The following CLVS1 variants were observed in gnomAD, a reference collection of about 807,000 sequenced individuals.
CLVS1 encodes the protein clavesin 1.
Under a neutral mutation model 33.1 loss-of-function variants are expected in CLVS1, and 10 were observed. The observed-to-expected ratio is 0.30, with a 90% CI of 0.19 to 0.51. The LOEUF (loss-of-function observed/expected upper bound fraction) is 0.51. Among genes scored for constraint, CLVS1 ranks in the 20% least tolerant of loss-of-function variants. CLVS1 has a pLI of 0.97. For missense variants in CLVS1, 343 were observed against 433.4 expected, an observed-to-expected ratio of 0.79 and a Z score of 1.85; for synonymous variants, 163 against 166.1, an observed-to-expected ratio of 0.98 and a Z score of 0.14.
chr8:61,261,704 G>A (rs1466917972), intron 2 of CLVS1, among the ~76,000 whole-genome samples: 3 of 152,178 alleles, frequency 2.0e-5, no homozygotes, highest in East Asian at 1.9e-4. Flanking sequence ...CCAGTTAGAA[G>A]GAGCCATCTG....
chr8:61,367,371 G>A (rs180675814), intron 2 of CLVS1, among the ~76,000 whole-genome samples: 2 of 152,192 alleles, frequency 1.3e-5, no homozygotes, highest in Admixed American at 1.3e-4. Context: ...AATACATGGT[G>A]TCTACACGCT....
chr8:61,363,998 C>T (rs940138445), intron 2 of CLVS1, among the ~76,000 whole-genome samples: 1 of 152,202 alleles, frequency 6.6e-6, no homozygotes, highest in East Asian at 1.9e-4. Flanking sequence ...CTCATATTTA[C>T]AGTGCTCTAG....
intron 2 of CLVS1, among the ~76,000 whole-genome samples, chr8:61,247,934 T>C (rs992219466): frequency 2.6e-5 from 4 of 152,242 alleles, no homozygotes; most frequent in African/African-American, 9.6e-5. Context: ...ACTGAAGTCT[T>C]TAATCCATCT....
the CLVS1 span, among the ~76,000 whole-genome samples, chr8:60,990,794 C>T: frequency 6.6e-6 from 1 of 151,614 alleles, no homozygotes. Context: ...CTGCAAGCTC[C>T]GCCTCCTGGT....
At chr8:61,064,100 C>T (rs1004099615) in intron 1 of CLVS1, among the ~76,000 whole-genome samples, 5 of 152,212 alleles carry the variant, frequency 3.3e-5, no homozygotes, top group Admixed American at 2.6e-4. Context: ...TATGGATACA[C>T]CACATTTTGT....
chr8:61,466,048 G>A (rs903772329), intron 5 of CLVS1, among the ~76,000 whole-genome samples: 4 of 152,176 alleles, frequency 2.6e-5, no homozygotes, highest in African/African-American at 9.7e-5. Flanking sequence ...GAGTGTATGT[G>A]TGAAGCACCT....
chr8:61,059,147 T>A (rs1804532161), intron 1 of CLVS1, among the ~76,000 whole-genome samples: 1 of 152,142 alleles, frequency 6.6e-6, no homozygotes, highest in African/African-American at 2.4e-5. Flanking sequence ...TGTGCCATTT[T>A]TTTATTCATA....
At chr8:60,992,646 G>A in the CLVS1 span, among the ~76,000 whole-genome samples, 1 of 152,210 alleles carries the variant, frequency 6.6e-6, no homozygotes, top group East Asian at 1.9e-4. Flanking sequence ...TGGGAGGTCA[G>A]TGAAGCTCTG....
At chr8:61,478,669 AG>A (rs1818058122) in intron 5 of CLVS1, among the ~76,000 whole-genome samples, 1 of 152,056 alleles carries the variant, frequency 6.6e-6, no homozygotes, top group Non-Finnish European at 1.5e-5. Flanking sequence ...CCATTTGCTT[AG>A]TAGATCTTCC....
intron 2 of CLVS1, among the ~76,000 whole-genome samples, chr8:61,322,102 C>T (rs1811212692): frequency 6.6e-6 from 1 of 152,086 alleles, no homozygotes; most frequent in Non-Finnish European, 1.5e-5. Flanking sequence ...TGTTCTGTTC[C>T]CTGATATAAC....
intron 2 of CLVS1, among the ~76,000 whole-genome samples, chr8:61,266,518 A>G (rs1459366553): frequency 1.3e-5 from 2 of 152,054 alleles, no homozygotes; most frequent in Admixed American, 6.5e-5. Context: ...CTATCATCCA[A>G]TCATGCCACC....
intron 3 of CLVS1, among the ~76,000 whole-genome samples, chr8:61,435,625 TAA>T (rs35113828): frequency 5.0e-4 from 68 of 134,898 alleles, no homozygotes; most frequent in Middle Eastern, 3.8e-3. Context: ...ATTGTGATAG[TAA>T]AAAAAAAAAA....
chr8:61,317,614 C>T (rs1242355281), intron 2 of CLVS1, among the ~76,000 whole-genome samples: 1 of 152,180 alleles, frequency 6.6e-6, no homozygotes, highest in Non-Finnish European at 1.5e-5. Flanking sequence ...CTTAGCACCG[C>T]TGTTGGTCTG....
rs1186925832 is a variant in CLVS1 at position 61,081,458 on chromosome 8, G to C, written c.-243+24228G>C. On this transcript the variant is annotated intron_variant, in intron 1 of 2. Coordinates refer to the CLVS1 transcript ENST00000522621. The stretch of plus-strand genomic sequence containing the variant: ...CCAACAAGCATGTTAAGAGCTACAG[G>C]GGGTAAGGATGGCCCCACCTCTGAC... 3.4e-5 allele frequency among the ~76,000 whole-genome samples: 5 copies of C among 145,854 alleles called. No homozygotes were observed. The East Asian group carries it at 5.8e-4, about 17-fold the overall frequency.
intron 2 of CLVS1, among the ~76,000 whole-genome samples, chr8:61,347,874 C>G (rs941074115): frequency 6.6e-6 from 1 of 150,898 alleles, no homozygotes; most frequent in African/African-American, 2.4e-5. Context: ...ATGGCTGTAC[C>G]AATTTACATT....
intron 1 of CLVS1, among the ~76,000 whole-genome samples, chr8:61,290,390 G>A (rs919216428): frequency 5.9e-5 from 9 of 152,160 alleles, no homozygotes; most frequent in Admixed American, 6.5e-5. Context: ...TTCAGTAACA[G>A]AAATTACTCA....
chr8:61,373,258 T>C (rs1813511143), intron 2 of CLVS1, among the ~76,000 whole-genome samples: 1 of 152,210 alleles, frequency 6.6e-6, no homozygotes, highest in Admixed American at 6.5e-5. Context: ...TCCTCCACAC[T>C]GGCAAAGCTT....
chr8:61,026,541 A>G, the CLVS1 span, among the ~76,000 whole-genome samples: 1 of 152,162 alleles, frequency 6.6e-6, no homozygotes, highest in Non-Finnish European at 1.5e-5. Context: ...TGCTTTGGGA[A>G]TTCCTTGATG....
At chr8:61,046,804 G>A in the CLVS1 span, among the ~76,000 whole-genome samples, 1 of 151,498 alleles carries the variant, frequency 6.6e-6, no homozygotes, top group Non-Finnish European at 1.5e-5. Context: ...TGTTATTGGT[G>A]TATAAGAATG....
Sources: allele counts gnomAD v4.1 joint callset (sites outside exome capture counted in the v4.1 genomes callset), GRCh38; gene constraint gnomAD v4.1.1; transcripts MANE v1.5; gene names NCBI Gene and HGNC (gene_info 2026-07-23, HGNC 2026-07-21).